Variants in SLC12A1 observed in about 807,000 individuals in gnomAD.
The protein encoded by SLC12A1 is Na-K-2Cl cotransporter.
SLC12A1 carries 89 observed loss-of-function variants against 130.4 expected under a neutral mutation model. The ratio of observed to expected loss-of-function variants is 0.68; its 90% confidence interval spans 0.58 to 0.81. The LOEUF (loss-of-function observed/expected upper bound fraction) is 0.81, where lower values mean the gene tolerates loss of function less well. SLC12A1 is among the 40% of genes least tolerant of loss of function. The pLI, the probability that SLC12A1 is intolerant of heterozygous loss-of-function variation, is 0.00. For missense variants in SLC12A1, 1,310 were observed against 1,336.4 expected (o/e 0.98, Z 0.31); for synonymous variants, 499 against 460.0 (o/e 1.08, Z -1.09).
chr15:48,232,556 C>G (rs2041393846), intron 7 of SLC12A1, among the ~76,000 whole-genome samples, 171 bp from the exon 8 acceptor site: 1 of 152,156 alleles, frequency 6.6e-6, no homozygotes, highest in African/African-American at 2.4e-5. Context: ...AGAATAAGAC[C>G]TATTTGCATG....
At chr15:48,280,705 G>A (rs2042001249) in intron 20 of SLC12A1, among the ~76,000 whole-genome samples, 1 of 151,964 alleles carries the variant, frequency 6.6e-6, no homozygotes, top group African/African-American at 2.4e-5. Flanking sequence ...TTCCCCACTT[G>A]CCTCTCATGC....
chr15:48,284,546 G>A (rs1408776037), intron 20 of SLC12A1, among the ~76,000 whole-genome samples: 1 of 152,212 alleles, frequency 6.6e-6, no homozygotes, highest in Non-Finnish European at 1.5e-5. Flanking sequence ...AAATAAAAAT[G>A]CTGTAACTTC....
At chr15:48,220,172 T>TAGAC (rs1373685372) in intron 2 of SLC12A1, among the ~76,000 whole-genome samples, 1 of 149,034 alleles carries the variant, frequency 6.7e-6, no homozygotes, top group Non-Finnish European at 1.5e-5. Context: ...GATAGATAGA[T>TAGAC]AGATAGATAG....
At chr15:48,244,163 C>G (rs962056131) in intron 10 of SLC12A1, among the ~76,000 whole-genome samples, 11 of 152,108 alleles carry the variant, frequency 7.2e-5, no homozygotes, top group Non-Finnish European at 1.6e-4. Flanking sequence ...AGATAGATAC[C>G]TGATCAATAT....
intron 2 of SLC12A1, among the ~76,000 whole-genome samples, chr15:48,220,136 TAG>T (rs1277132342): frequency 1.6e-4 from 17 of 109,022 alleles, no homozygotes; most frequent in African/African-American, 1.0e-3. Flanking sequence ...AAAAGGTAGA[TAG>T]ATAGATAGAT....
chr15:48,291,289 G>A (rs574674602), intron 23 of SLC12A1, among the ~76,000 whole-genome samples: 6 of 149,216 alleles, frequency 4.0e-5, no homozygotes, highest in African/African-American at 1.2e-4. Context: ...ATATATGATG[G>A]TTTATAATGT....
chr15:48,302,417 G>A (rs1319709894), intron 26 of SLC12A1, among the ~76,000 whole-genome samples: 2 of 151,138 alleles, frequency 1.3e-5, no homozygotes, highest in African/African-American at 2.4e-5. Context: ...TCAGGAGATC[G>A]AGACCATCCT....
intron 6 of SLC12A1, 30 bp downstream of exon 6, chr15:48,229,358 A>T (rs762370626): frequency 6.4e-6 from 10 of 1,563,752 alleles, no homozygotes; most frequent in Non-Finnish European, 8.7e-6. Context: ...TTTTTCTGCC[A>T]AGCAGCATAA....
chr15:48,258,690 T>C (rs993321167), intron 16 of SLC12A1, among the ~76,000 whole-genome samples: 14 of 152,126 alleles, frequency 9.2e-5, no homozygotes, highest in African/African-American at 2.9e-4. Context: ...AGCACCCCAC[T>C]CTACCAGTAC....
chr15:48,259,217 T>G lies in SLC12A1; in HGVS notation c.2060T>G (p.Leu687Ter). 6.2e-7 allele frequency: 1 copy of G among 1,612,676 alleles called. No individual in the cohort carries two copies. The highest frequency in any genetic ancestry group is 2.2e-5 in the East Asian group (1 of 44,882). The change falls in exon 17 of 27, where the codon TTA becomes TGA. Residue 687 changes from leucine (L) to a stop codon, truncating the protein, a stop_gained. Transcript: ENST00000380993. LOFTEE classifies it high-confidence loss of function. Reference sequence around the variant, plus strand: ...ACTTCCAGGCCCCAGTGCATTGTCTTAACAGGGGGACCCATGACAAGACCT... The same window carrying G: ...ACTTCCAGGCCCCAGTGCATTGTCTGAACAGGGGGACCCATGACAAGACCT... ...VKNFRPQCIV[L>*]TGGPMTRPAL...
intron 5 of SLC12A1, chr15:48,227,155 G>A (rs371187692): frequency 7.9e-5 from 122 of 1,550,794 alleles, no homozygotes; most frequent in East Asian, 6.8e-4. Context: ...CTATTTGCAC[G>A]AATGGAGTAG....
At chr15:48,301,275 TG>T in intron 25 of SLC12A1, 39 bp from the exon 26 acceptor site, 2 of 1,348,142 alleles carry the variant, frequency 1.5e-6, no homozygotes, top group Non-Finnish European at 2.1e-6. Flanking sequence ...TTCATAATTC[TG>T]GTAGAACTGT....
intron 25 of SLC12A1, among the ~76,000 whole-genome samples, chr15:48,300,142 G>C (rs777160258): frequency 1.1e-4 from 16 of 152,172 alleles, no homozygotes; most frequent in Admixed American, 4.6e-4. Flanking sequence ...GGCCAGCTTG[G>C]TTAACAGAGC....
In SLC12A1 at chr15:48,290,881, T is replaced by A. The variant is rs530052097; in HGVS notation, c.2874-897T>A. 1.2e-3 allele frequency among the ~76,000 whole-genome samples: 184 copies of A among 152,256 alleles called. 1 individual carries two copies. Among genetic ancestry groups the A allele is most frequent in the African/African-American group, 4.1e-3 (172 of 41,572 alleles). On this transcript the variant is annotated intron_variant, in intron 23 of 26. Coordinates refer to ENST00000380993, the MANE Select transcript of SLC12A1 (RefSeq NM_000338.3). ...AGCTGCCAATATTTTATTGGGACAA[T>A]TAGTATAATTTGAAAATGTTTTGTG...
chr15:48,211,656 G>C (rs983438008), intron 2 of SLC12A1, among the ~76,000 whole-genome samples: 4 of 152,152 alleles, frequency 2.6e-5, no homozygotes, highest in African/African-American at 9.7e-5. Flanking sequence ...AGTTATAATA[G>C]CAATAGCACA....
chr15:48,263,541 T>A (rs978396574), intron 17 of SLC12A1, among the ~76,000 whole-genome samples: 2 of 152,162 alleles, frequency 1.3e-5, no homozygotes, highest in Non-Finnish European at 2.9e-5. Context: ...TTCATATGGC[T>A]CACTATATAA....
chr15:48,272,083 G>C (rs1017472298), intron 19 of SLC12A1, among the ~76,000 whole-genome samples: 4 of 152,146 alleles, frequency 2.6e-5, no homozygotes, highest in African/African-American at 9.7e-5. Context: ...ATCAAACCCA[G>C]TAATACTGAA....
At chr15:48,239,861 G>A (rs1010674621) in intron 9 of SLC12A1, among the ~76,000 whole-genome samples, 1 of 151,582 alleles carries the variant, frequency 6.6e-6, no homozygotes, top group Non-Finnish European at 1.5e-5. Context: ...ATGTTGGCTA[G>A]GCTGCTCTCT....
intron 15 of SLC12A1, among the ~76,000 whole-genome samples, chr15:48,252,588 A>G (rs1412852575): frequency 1.3e-5 from 2 of 152,348 alleles, no homozygotes; most frequent in Non-Finnish European, 2.9e-5. Context: ...GGAAGGATTA[A>G]CTTTGGAATT....
Sources: gnomAD v4.1 joint callset for allele counts (sites outside exome capture counted in the v4.1 genomes callset) on GRCh38, gnomAD v4.1.1 for gene constraint, MANE v1.5 for transcripts, NCBI Gene and HGNC (gene_info 2026-07-23, HGNC 2026-07-21) for gene names.